Variants in IMMP2L observed in about 807,000 individuals in gnomAD.
IMMP2L encodes inner mitochondrial membrane peptidase subunit 2.
Under a neutral mutation model 19.3 loss-of-function variants are expected in IMMP2L, and 18 were observed. The observed-to-expected ratio is 0.93, with a 90% CI of 0.64 to 1.38. The LOEUF (loss-of-function observed/expected upper bound fraction) is 1.38. IMMP2L is among the 40% of genes most tolerant of loss of function. The pLI is 0.00. For synonymous variants in IMMP2L, 76 were observed against 73.0 expected (o/e 1.04, Z -0.21); for missense variants, 233 against 218.2 (o/e 1.07, Z -0.43).
chr7:111,200,904 CATT>C (rs1810033022), intron 3 of IMMP2L, among the ~76,000 whole-genome samples: 1 of 152,118 alleles, frequency 6.6e-6, no homozygotes, highest in African/African-American at 2.4e-5. Flanking sequence ...CTAATATTGT[CATT>C]GTTGCTTATT....
At chr7:111,176,952 C>A (rs375136286) in intron 3 of IMMP2L, among the ~76,000 whole-genome samples, 4 of 151,966 alleles carry the variant, frequency 2.6e-5, no homozygotes, top group East Asian at 3.9e-4. Flanking sequence ...TAATACCTTT[C>A]TTTCTGCATA....
At chr7:111,557,871 T>A (rs1369207705) in intron 1 of IMMP2L, among the ~76,000 whole-genome samples, 2 of 150,954 alleles carry the variant, frequency 1.3e-5, no homozygotes, top group Non-Finnish European at 3.0e-5. Context: ...AAGGTACGAG[T>A]CAATGAAAGA....
intron 3 of IMMP2L, among the ~76,000 whole-genome samples, chr7:111,241,383 C>T (rs1815014694): frequency 6.6e-6 from 1 of 151,890 alleles, no homozygotes; most frequent in African/African-American, 2.4e-5. Context: ...AAATTTTATT[C>T]TTGTACAACA....
chr7:110,855,542 G>A (rs1806672356), intron 5 of IMMP2L, among the ~76,000 whole-genome samples: 2 of 151,962 alleles, frequency 1.3e-5, no homozygotes, highest in Non-Finnish European at 2.9e-5. Flanking sequence ...CTGATTCTAT[G>A]CTAGAAACCA....
intron 3 of IMMP2L, among the ~76,000 whole-genome samples, chr7:111,388,656 T>G (rs1832030009): frequency 6.6e-6 from 1 of 152,020 alleles, no homozygotes; most frequent in African/African-American, 2.4e-5. Flanking sequence ...AAGTACTTCT[T>G]ACATGGCAGT....
At chr7:110,992,762 C>A (rs1290916832) in intron 3 of IMMP2L, among the ~76,000 whole-genome samples, 1 of 152,002 alleles carries the variant, frequency 6.6e-6, no homozygotes, top group African/African-American at 2.4e-5. Context: ...AATATCAATA[C>A]AACTATAATT....
intron 3 of IMMP2L, among the ~76,000 whole-genome samples, chr7:111,287,187 A>G (rs1435417354): frequency 6.6e-6 from 1 of 152,210 alleles, no homozygotes. Context: ...AATTAATGAT[A>G]CCAGCATAAG....
intron 3 of IMMP2L, among the ~76,000 whole-genome samples, chr7:111,390,315 C>T (rs1325706895): frequency 6.6e-6 from 1 of 152,170 alleles, no homozygotes; most frequent in Non-Finnish European, 1.5e-5. Flanking sequence ...GCTTCCTCCC[C>T]TGCTCAATCC....
Position 110,886,705 on chromosome 7 carries a change from AAC to A in IMMP2L, c.306-12_306-11del, listed in dbSNP as rs1373803163. On this transcript the variant is annotated splice_polypyrimidine_tract_variant and intron_variant, in intron 4 of 5. Transcript: ENST00000405709. ...TTTGTGTCCTATGGTTCTGGAAATA[AAC>A]AGTGTAACCACTGAGATATGAGTAG... is the stretch of plus-strand genomic sequence containing the variant. 1 of 1,360,290 alleles carries A rather than the reference AAC, an allele frequency of 7.4e-7. No individual in the cohort carries two copies. The highest frequency in any genetic ancestry group is 1.1e-6 in the Non-Finnish European group (1 of 949,692). 84.3% of individuals were successfully genotyped at this position (1,360,290 alleles called of 1,614,324 possible).
intron 4 of IMMP2L, among the ~76,000 whole-genome samples, chr7:110,911,780 TA>T (rs1266352284): frequency 1.3e-5 from 2 of 152,168 alleles, no homozygotes; most frequent in African/African-American, 4.8e-5. Flanking sequence ...AAGAGACAAC[TA>T]TTACTGCTAT....
At chr7:111,535,481 G>A (rs376917163) in intron 1 of IMMP2L, among the ~76,000 whole-genome samples, 1 of 152,170 alleles carries the variant, frequency 6.6e-6, no homozygotes, top group African/African-American at 2.4e-5. Flanking sequence ...GATTCTATAT[G>A]AGATATATCT....
At chr7:110,909,922 T>G (rs202070906) in intron 4 of IMMP2L, among the ~76,000 whole-genome samples, 50 of 141,396 alleles carry the variant, frequency 3.5e-4, no homozygotes, top group African/African-American at 7.4e-4. Context: ...GAGAGAGAGA[T>G]AGACAGAGAG....
chr7:111,233,456 T>C (rs1179206709), intron 3 of IMMP2L, among the ~76,000 whole-genome samples: 1 of 152,020 alleles, frequency 6.6e-6, no homozygotes, highest in Non-Finnish European at 1.5e-5. Flanking sequence ...CAGTGGTAAT[T>C]GACAAACTGA....
At chr7:110,715,260 T>C (rs1187838868) in intron 5 of IMMP2L, among the ~76,000 whole-genome samples, 1 of 152,170 alleles carries the variant, frequency 6.6e-6, no homozygotes, top group African/African-American at 2.4e-5. Flanking sequence ...GGGGTTTCAA[T>C]TGCTTTCACT....
At chr7:111,369,542 T>C (rs571114822) in intron 3 of IMMP2L, among the ~76,000 whole-genome samples, 6 of 152,032 alleles carry the variant, frequency 3.9e-5, no homozygotes, top group African/African-American at 7.2e-5. Context: ...TAGGAAATCA[T>C]AGAATAAGGT....
At chr7:111,082,938 G>A (rs977813779) in intron 3 of IMMP2L, among the ~76,000 whole-genome samples, 6 of 150,192 alleles carry the variant, frequency 4.0e-5, no homozygotes, top group Non-Finnish European at 8.8e-5. Context: ...ACCTAAGCCT[G>A]TCCTATTCTT....
intron 1 of IMMP2L, among the ~76,000 whole-genome samples, chr7:111,522,761 G>GATT (rs1344844072): frequency 6.6e-6 from 1 of 151,874 alleles, no homozygotes; most frequent in African/African-American, 2.4e-5. Flanking sequence ...ACTACCACAT[G>GATT]ATTCTGCAAT....
chr7:110,850,027 G>A (rs189678099), intron 5 of IMMP2L, among the ~76,000 whole-genome samples: 1 of 151,936 alleles, frequency 6.6e-6, no homozygotes, highest in Non-Finnish European at 1.5e-5. Context: ...GGGAAAGTAT[G>A]TAGAAGATAA....
intron 2 of IMMP2L, among the ~76,000 whole-genome samples, chr7:111,502,639 T>A (rs1364201619): frequency 6.6e-6 from 1 of 151,578 alleles, no homozygotes; most frequent in Non-Finnish European, 1.5e-5. Flanking sequence ...CACAGTGCAA[T>A]CAAACTAGAA....
Sources: gnomAD v4.1 joint callset for allele counts (sites outside exome capture counted in the v4.1 genomes callset) on GRCh38, gnomAD v4.1.1 for gene constraint, MANE v1.5 for transcripts, NCBI Gene and HGNC (gene_info 2026-07-23, HGNC 2026-07-21) for gene names.